KHDRBS2: variants seen among roughly 807,000 people sequenced by gnomAD.
The protein encoded by KHDRBS2 is KH RNA binding domain containing, signal transduction associated 2.
In KHDRBS2, 26 loss-of-function variants were observed where a neutral mutation model predicts 44.3. The ratio of observed to expected loss-of-function variants is 0.59; its 90% confidence interval spans 0.43 to 0.81. The LOEUF (loss-of-function observed/expected upper bound fraction) is 0.81. Among genes scored for constraint, KHDRBS2 ranks in the 40% least tolerant of loss-of-function variants. The probability of loss-of-function intolerance (pLI) is 0.00; values close to 1 mark genes in which losing one functional copy is unlikely to be tolerated. For synonymous variants in KHDRBS2, 194 were observed against 151.1 expected, an observed-to-expected ratio of 1.28 and a Z score of -2.08; for missense variants, 476 against 433.1, an observed-to-expected ratio of 1.10 and a Z score of -0.88.
At chr6:61,557,822 T>A in the KHDRBS2 span, among the ~76,000 whole-genome samples, 1 of 152,164 alleles carries the variant, frequency 6.6e-6, no homozygotes, top group Admixed American at 6.5e-5. Flanking sequence ...TCTTTACTTG[T>A]CATTGGTCTG....
At chr6:61,653,576 C>T in the KHDRBS2 span, among the ~76,000 whole-genome samples, 1 of 151,354 alleles carries the variant, frequency 6.6e-6, no homozygotes, top group Non-Finnish European at 1.5e-5. Context: ...ACAGTCCTTC[C>T]TTTATGGAAC....
At chr6:61,936,801 T>C (rs1239667649) in intron 4 of KHDRBS2, among the ~76,000 whole-genome samples, 2 of 152,042 alleles carry the variant, frequency 1.3e-5, no homozygotes, top group African/African-American at 4.8e-5. Context: ...CACTAAGTTT[T>C]GCTGATGAGA....
intron 2 of KHDRBS2, among the ~76,000 whole-genome samples, chr6:62,070,315 A>G (rs1328591395): frequency 6.9e-6 from 1 of 145,688 alleles, no homozygotes; most frequent in African/African-American, 2.5e-5. Context: ...CTTGTAAAAT[A>G]AGTTGGAAAG....
intron 6 of KHDRBS2, among the ~76,000 whole-genome samples, chr6:61,845,457 A>C (rs1156828860): frequency 6.6e-6 from 1 of 152,008 alleles, no homozygotes; most frequent in Non-Finnish European, 1.5e-5. Flanking sequence ...CTACAGGTGC[A>C]TGCCACTACG....
At chr6:61,755,020 C>T (rs1778278756) in intron 6 of KHDRBS2, among the ~76,000 whole-genome samples, 1 of 151,984 alleles carries the variant, frequency 6.6e-6, no homozygotes, top group African/African-American at 2.4e-5. Flanking sequence ...AAATTATATA[C>T]TTATCTATTT....
intron 3 of KHDRBS2, among the ~76,000 whole-genome samples, chr6:62,017,276 T>TA (rs1486945412): frequency 6.6e-6 from 1 of 152,078 alleles, no homozygotes; most frequent in African/African-American, 2.4e-5. Flanking sequence ...AGGAATTGAT[T>TA]AAATGACATG....
chr6:61,695,067 G>A (rs1362750985), intron 8 of KHDRBS2, among the ~76,000 whole-genome samples: 8 of 151,970 alleles, frequency 5.3e-5, no homozygotes, highest in African/African-American at 1.2e-4. Context: ...TAGTGAAATA[G>A]CAAGTGATAG....
chr6:62,131,189 C>A (rs763852779), intron 2 of KHDRBS2, among the ~76,000 whole-genome samples: 21 of 152,108 alleles, frequency 1.4e-4, no homozygotes, highest in Non-Finnish European at 2.4e-4. Flanking sequence ...CACTTGAGAA[C>A]CTTTGATAGT....
chr6:61,891,131 TACATAA>T (rs372162904), intron 6 of KHDRBS2, among the ~76,000 whole-genome samples: 36 of 152,216 alleles, frequency 2.4e-4, no homozygotes, highest in African/African-American at 8.4e-4. Context: ...AGCAATAATT[TACATAA>T]GACATTGAAG....
At chr6:62,189,876 A>G (rs1351700908) in intron 1 of KHDRBS2, among the ~76,000 whole-genome samples, 1 of 152,172 alleles carries the variant, frequency 6.6e-6, no homozygotes, top group African/African-American at 2.4e-5. Context: ...TACTTTGGCT[A>G]CACTTAGGTG....
intron 1 of KHDRBS2, among the ~76,000 whole-genome samples, chr6:62,257,515 C>A (rs1837591471): frequency 6.6e-6 from 1 of 152,014 alleles, no homozygotes; most frequent in East Asian, 1.9e-4. Flanking sequence ...CTAATTTTTA[C>A]TTTCCCTCGA....
chr6:61,978,489 T>A, intron 3 of KHDRBS2, among the ~76,000 whole-genome samples: 1 of 151,966 alleles, frequency 6.6e-6, no homozygotes, highest in East Asian at 1.9e-4. Flanking sequence ...CCCCTGAAAA[T>A]AAGTCACAGA....
intron 6 of KHDRBS2, among the ~76,000 whole-genome samples, chr6:61,755,262 A>T (rs1439947433): frequency 6.6e-6 from 1 of 152,144 alleles, no homozygotes; most frequent in African/African-American, 2.4e-5. Context: ...TCCCAACATT[A>T]TGACTGAATT....
At chr6:61,629,022 C>G in the KHDRBS2 span, among the ~76,000 whole-genome samples, 2 of 152,090 alleles carry the variant, frequency 1.3e-5, no homozygotes, top group African/African-American at 4.8e-5. Context: ...GCTACTAATT[C>G]TTAATATATT....
intron 4 of KHDRBS2, among the ~76,000 whole-genome samples, chr6:61,918,645 C>A (rs1807466164): frequency 6.6e-6 from 1 of 151,928 alleles, no homozygotes; most frequent in African/African-American, 2.4e-5. Flanking sequence ...GCCACCCAGT[C>A]TATAGTGTTC....
intron 6 of KHDRBS2, among the ~76,000 whole-genome samples, chr6:61,850,304 C>G (rs1795237090): frequency 1.3e-5 from 2 of 152,140 alleles, no homozygotes; most frequent in South Asian, 2.1e-4. Flanking sequence ...TAACAAACTC[C>G]TTTGGCATCT....
At chr6:61,648,056 T>A in the KHDRBS2 span, among the ~76,000 whole-genome samples, 1 of 152,104 alleles carries the variant, frequency 6.6e-6, no homozygotes, top group Non-Finnish European at 1.5e-5. Context: ...TAATTAGGAA[T>A]AGAAAATCAT....
intron 6 of KHDRBS2, among the ~76,000 whole-genome samples, chr6:61,860,810 G>T (rs2127294665): frequency 6.6e-6 from 1 of 152,118 alleles, no homozygotes; most frequent in Non-Finnish European, 1.5e-5. Flanking sequence ...TTTCACAATG[G>T]TTGAACTAAT....
At chr6:61,578,266 G>T in the KHDRBS2 span, among the ~76,000 whole-genome samples, 99 of 152,238 alleles carry the variant, frequency 6.5e-4, no homozygotes, top group African/African-American at 2.3e-3. Flanking sequence ...TCAACATTTT[G>T]TCAGGTGTTT....
Sources: allele counts gnomAD v4.1 joint callset (sites outside exome capture counted in the v4.1 genomes callset), GRCh38; gene constraint gnomAD v4.1.1; transcripts MANE v1.5; gene names NCBI Gene and HGNC (gene_info 2026-07-23, HGNC 2026-07-21).